KBTBD3: variants seen among roughly 807,000 people sequenced by gnomAD.
KBTBD3 encodes kelch repeat and BTB domain containing 3.
A neutral mutation model predicts 49.6 loss-of-function variants in KBTBD3; 38 were observed. The ratio of observed to expected loss-of-function variants is 0.77; its 90% confidence interval spans 0.59 to 1.00. The LOEUF is 1.00. Ranked by LOEUF, KBTBD3 falls within the 50% of genes least tolerant of loss-of-function variation. The pLI is 0.00. For missense variants in KBTBD3, 661 were observed against 712.0 expected (o/e 0.93, Z 0.81); for synonymous variants, 214 against 250.4 (o/e 0.85, Z 1.37).
At chr11:106,070,609 C>T (rs77293702) in intron 2 of KBTBD3, among the ~76,000 whole-genome samples, 10,435 of 152,090 alleles carry the variant, frequency 0.069, 438 homozygotes, top group Middle Eastern at 0.15. Flanking sequence ...TGCTTGAGGG[C>T]TTGCAGAGAC....
chr11:106,053,326 C>T lies in KBTBD3; in HGVS notation c.1363G>A (p.Val455Ile), dbSNP rs766212702. 2.5e-6 allele frequency: 4 copies of T among 1,613,330 alleles called. No individual in the cohort carries two copies. The highest frequency in any genetic ancestry group is 4.5e-5 in the East Asian group (2 of 44,868). The part of the protein sequence containing the change: ...YYPEASTCQN[V>I]IYVLGSEVEI... ...ACCTCTGATCCAAGAACATAAATTA[C>T]ATTTTGGCATGTGCTTGCTTCTGGA... The change falls in exon 4 of 4, where the codon GTA (valine) becomes ATA (isoleucine). Residue 455 changes from valine to isoleucine, a missense_variant. Val to Ile is a conservative substitution (Grantham distance 29, BLOSUM62 3). Transcript: ENST00000531837.
At chr11:106,060,761 G>C (rs1033891507) in intron 2 of KBTBD3, among the ~76,000 whole-genome samples, 1 of 152,162 alleles carries the variant, frequency 6.6e-6, no homozygotes, top group Non-Finnish European at 1.5e-5. Context: ...AACACCAAAA[G>C]CAATTGCAAC....
chr11:106,053,051 T>G lies in KBTBD3; in HGVS notation c.1638A>C (p.Ala546=). ...TATAAATTTTATCTTCAATTCCAAT[T>G]GCACCTGCATTAAAGCCTGCACACT... ...SFECAGFNAG[A]IGIEDKIYIL... is the part of the protein sequence containing the mutation. Residue 546 remains alanine (A), a synonymous_variant, in exon 4 of 4, where the codon GCA becomes GCC. Transcript: ENST00000531837. The G allele has an allele frequency of 6.2e-7, 1 of 1,613,660 alleles. No homozygotes were observed. The highest frequency in any genetic ancestry group is 8.5e-7 in the Non-Finnish European group (1 of 1,179,724).
chr11:106,051,719 GTTA>G lies in KBTBD3; in HGVS notation c.*1128_*1130del, dbSNP rs1860423060. 1 of 151,786 alleles carries G rather than the reference GTTA, an allele frequency of 6.6e-6. No homozygotes were observed. Among genetic ancestry groups the G allele is most frequent in the Non-Finnish European group, 1.5e-5 (1 of 67,828 alleles). The allele number at this position is 151,786 out of a possible 1,614,324, so 9.4% of individuals were successfully genotyped here. On this transcript the variant is annotated 3_prime_UTR_variant, in exon 4 of 4. Transcript: ENST00000531837. ...ACAACAGTACCCTTACATTGTGTGG[GTTA>G]AAGATCAAACATCTTAACAGATGCA...
intron 3 of KBTBD3, among the ~76,000 whole-genome samples, chr11:106,056,404 A>C (rs1320325788): frequency 6.6e-6 from 1 of 152,206 alleles, no homozygotes; most frequent in Non-Finnish European, 1.5e-5. Flanking sequence ...ATGTGCAAAA[A>C]TTATATGTAA....
At chr11:106,072,721 G>C (rs1369637936) in intron 2 of KBTBD3, among the ~76,000 whole-genome samples, 1 of 152,144 alleles carries the variant, frequency 6.6e-6, no homozygotes, top group Non-Finnish European at 1.5e-5. Context: ...TCTGGGCTTT[G>C]ATTTCACTGG....
chr11:106,063,327 C>A (rs931096060), intron 2 of KBTBD3, among the ~76,000 whole-genome samples: 1 of 152,250 alleles, frequency 6.6e-6, no homozygotes, highest in Non-Finnish European at 1.5e-5. Context: ...CCATGTTCAA[C>A]CTATAAAAGC....
intron 2 of KBTBD3, among the ~76,000 whole-genome samples, chr11:106,066,106 A>G (rs776047519): frequency 6.6e-6 from 1 of 152,210 alleles, no homozygotes; most frequent in Non-Finnish European, 1.5e-5. Context: ...GGAAATTTTG[A>G]CAATGATCAC....
At chr11:106,066,562 C>T (rs190069335) in intron 2 of KBTBD3, among the ~76,000 whole-genome samples, 1 of 152,138 alleles carries the variant, frequency 6.6e-6, no homozygotes, top group African/African-American at 2.4e-5. Flanking sequence ...AATTTTAGTG[C>T]TCTTTAGATC....
intron 2 of KBTBD3, among the ~76,000 whole-genome samples, chr11:106,072,509 T>C (rs1860938999): frequency 6.6e-6 from 1 of 152,200 alleles, no homozygotes; most frequent in Non-Finnish European, 1.5e-5. Flanking sequence ...AACACCTTCC[T>C]GCCCAAAACA....
At chr11:106,058,728 T>C (rs887414714) in intron 3 of KBTBD3, 137 bp downstream of exon 3, 12 of 646,790 alleles carry the variant, frequency 1.9e-5, no homozygotes, top group African/African-American at 3.9e-5. Flanking sequence ...CCAGCCTAAT[T>C]AGGTTTTGTT....
At position 106,053,127 on chromosome 11, in the gene KBTBD3, A is replaced by C. The variant is rs1384956668; in HGVS notation, c.1562T>G (p.Val521Gly). 4.3e-6 allele frequency: 7 copies of C among 1,613,598 alleles called. No individual in the cohort carries two copies. The highest frequency in any genetic ancestry group is 1.7e-5 in the Admixed American group (1 of 59,888). ...LYICDLSTYK[V>G]YSFCPDTCVW... is the part of the protein sequence containing the mutation. ...ACAAGTGTCTGGACAAAAACTATAAACCTTATAGGTGGAAAGGTCACATAT... is the reference window on the plus strand; with the variant it reads ...ACAAGTGTCTGGACAAAAACTATAACCCTTATAGGTGGAAAGGTCACATAT... Residue 521 changes from valine to glycine, a missense_variant, in exon 4 of 4, where the codon GTT (valine) becomes GGT (glycine). Coordinates refer to ENST00000531837, the MANE Select transcript of KBTBD3 (RefSeq NM_198439.3).
rs752710000 is a variant in KBTBD3, at chr11:106,054,357, T to A, written c.332A>T (p.Tyr111Phe). The stretch of plus-strand genomic sequence containing the variant: ...ATCTGTTATTTTTGTTTTTCCAGTA[T>A]AGGCATAATCGAGAAATGCTTTTAC... Reference protein sequence around the residue: ...KAVKAFLDYAYTGKTKITDDN... With the variant: ...KAVKAFLDYAFTGKTKITDDN... Residue 111 changes from tyrosine to phenylalanine, a missense_variant, in exon 4 of 4, where the codon TAT becomes TTT. By Grantham distance (22) the Tyr-to-Phe change is conservative. Coordinates refer to ENST00000531837, the MANE Select transcript of KBTBD3 (RefSeq NM_198439.3). The A allele has an allele frequency of 5.0e-6, 8 of 1,612,696 alleles. No individual in the cohort carries two copies. In the Admixed American group the frequency reaches 8.3e-5, roughly 17 times the overall value.
intron 2 of KBTBD3, among the ~76,000 whole-genome samples, chr11:106,060,719 G>A (rs1860672162): frequency 6.6e-6 from 1 of 152,126 alleles, no homozygotes; most frequent in Admixed American, 6.6e-5. Flanking sequence ...TACCATTCAG[G>A]ACATAGGCAT....
At position 106,052,424 on chromosome 11, in the gene KBTBD3, G is replaced by A. The variant is rs1860437478; in HGVS notation, c.*426C>T. ...AAGAAGTTAACCAATCATCACAAAT[G>A]ATAGGAATTCAACAACTCATACCCG... On this transcript the variant is annotated 3_prime_UTR_variant, in exon 4 of 4. Coordinates refer to ENST00000531837, the MANE Select transcript of KBTBD3 (RefSeq NM_198439.3). 6.5e-6 allele frequency: 1 copy of A among 154,074 alleles called. No homozygotes were observed. The highest frequency in any genetic ancestry group is 2.4e-5 in the African/African-American group (1 of 41,442). The allele number at this position is 154,074 out of a possible 1,614,324, so 9.5% of individuals were successfully genotyped here.
chr11:106,058,605 G>C (rs995971515), intron 3 of KBTBD3: 7 of 389,684 alleles, frequency 1.8e-5, no homozygotes, highest in Non-Finnish European at 2.2e-5. Context: ...TGTATTTTTA[G>C]TAGAGACGGA....
intron 2 of KBTBD3, among the ~76,000 whole-genome samples, chr11:106,066,206 CA>C (rs1860808665): frequency 6.6e-6 from 1 of 152,078 alleles, no homozygotes; most frequent in Admixed American, 6.5e-5. Context: ...TACTATACAG[CA>C]AAACTTCTAT....
Position 106,074,950 on chromosome 11 carries a change from T to G in KBTBD3, c.-13+1557A>C, listed in dbSNP as rs537489999. Among the ~76,000 whole-genome samples the G allele has an allele frequency of 7.2e-5, 11 of 152,324 alleles. No homozygotes were observed. The South Asian group carries it at 1.7e-3, about 23-fold the overall frequency. On this transcript the variant is annotated intron_variant, in intron 2 of 3. Coordinates refer to ENST00000531837, the MANE Select transcript of KBTBD3 (RefSeq NM_198439.3). Reference sequence around the variant, plus strand: ...AGGGTTTGAGGTAGAATAAAGTTTGTGACCCAATAAAAAGTTAGTGAGTAT... The same window carrying G: ...AGGGTTTGAGGTAGAATAAAGTTTGGGACCCAATAAAAAGTTAGTGAGTAT...
chr11:106,058,936 G>T lies in KBTBD3; in HGVS notation c.162C>A (p.Phe54Leu). The T allele has an allele frequency of 6.4e-7, 1 of 1,574,166 alleles. No individual in the cohort carries two copies. The highest frequency in any genetic ancestry group is 1.4e-5 in the African/African-American group (1 of 71,992). ...NFREQNVFYD[F>L]KIIMKDEIIP... ...TTATTTCATCTTTCATAATTATTTT[G>T]AAATCATAAAAGACATTTTGTTCTC... Residue 54 changes from phenylalanine to leucine, a missense_variant, in exon 3 of 4, where the codon TTC becomes TTA. By Grantham distance (22) the Phe-to-Leu change is conservative (BLOSUM62 0). Coordinates refer to ENST00000531837, the MANE Select transcript of KBTBD3 (RefSeq NM_198439.3).
Sources: allele counts gnomAD v4.1 joint callset (sites outside exome capture counted in the v4.1 genomes callset), GRCh38; gene constraint gnomAD v4.1.1; transcripts MANE v1.5; gene names NCBI Gene and HGNC (gene_info 2026-07-23, HGNC 2026-07-21).